TSHR: variants seen among roughly 807,000 people sequenced by gnomAD.
TSHR encodes thyrotropin receptor.
A neutral mutation model predicts 64.1 loss-of-function variants in TSHR; 51 were observed. The observed-to-expected ratio is 0.80, with a 90% confidence interval of 0.64 to 1.01. The LOEUF is 1.01. Among genes scored for constraint, TSHR ranks in the 50% least tolerant of loss-of-function variants. The pLI, the probability that TSHR is intolerant of heterozygous loss-of-function variation, is 0.00. For synonymous variants in TSHR, 361 were observed against 361.9 expected (o/e 1.00, Z 0.03); for missense variants, 877 against 942.8 (o/e 0.93, Z 0.91).
intron 8 of TSHR, among the ~76,000 whole-genome samples, chr14:81,118,877 G>T (rs1454425403): frequency 5.5e-5 from 8 of 144,904 alleles, no homozygotes; most frequent in Non-Finnish European, 4.4e-5. Context: ...AATGCCGCAT[G>T]TCTACAACTA....
At chr14:80,990,329 C>A (rs1033012810) in intron 1 of TSHR, among the ~76,000 whole-genome samples, 3 of 152,170 alleles carry the variant, frequency 2.0e-5, no homozygotes, top group African/African-American at 7.2e-5. Flanking sequence ...TGCCTTGGGG[C>A]AGCTCATAAT....
chr14:81,118,921 A>C (rs1890657067), intron 8 of TSHR, among the ~76,000 whole-genome samples: 1 of 148,394 alleles, frequency 6.7e-6, no homozygotes, highest in African/African-American at 2.6e-5. Flanking sequence ...AAAACAAGCA[A>C]TGGGGAAAGG....
chr14:80,965,690 A>C (rs1009929623), intron 1 of TSHR, among the ~76,000 whole-genome samples: 3 of 152,212 alleles, frequency 2.0e-5, no homozygotes, highest in African/African-American at 7.2e-5. Context: ...AAAATTATAG[A>C]TTGAGTTTTA....
chr14:81,092,472 C>A lies in TSHR; in HGVS notation c.468-59C>A, dbSNP rs892599973. 21 of 1,444,810 alleles carry A rather than the reference C, an allele frequency of 1.5e-5. 1 individual carries two copies. Among genetic ancestry groups the A allele is most frequent in the Non-Finnish European group, 1.9e-5 (20 of 1,026,456 alleles). 89.5% of individuals were successfully genotyped at this position (1,444,810 alleles called of 1,614,324 possible). ...ATTTAAGTGCATATGCGCAGCAAGA[C>A]CCCTGCTGCAGAAGGAAAGCATTTT... On this transcript the variant is annotated intron_variant, in intron 5 of 9. Coordinates refer to ENST00000298171, the MANE Select transcript of TSHR (RefSeq NM_000369.5).
At chr14:81,078,906 A>C (rs904180536) in intron 3 of TSHR, 2 of 152,238 alleles carry the variant, frequency 1.3e-5, no homozygotes, top group Admixed American at 6.5e-5. Flanking sequence ...CACCCAGCTC[A>C]GCACTGTCTG....
At chr14:80,962,093 C>T (rs1430024317) in intron 1 of TSHR, among the ~76,000 whole-genome samples, 1 of 152,144 alleles carries the variant, frequency 6.6e-6, no homozygotes, top group Non-Finnish European at 1.5e-5. Flanking sequence ...CTTAGTTCCT[C>T]TGGGCCTCAG....
At chr14:81,000,893 C>G (rs1272389127) in intron 1 of TSHR, among the ~76,000 whole-genome samples, 1 of 152,204 alleles carries the variant, frequency 6.6e-6, no homozygotes, top group Non-Finnish European at 1.5e-5. Context: ...CTCAATCTCT[C>G]TCCCATTCTG....
chr14:81,067,588 G>T (rs899465978), intron 2 of TSHR, among the ~76,000 whole-genome samples: 1 of 148,222 alleles, frequency 6.7e-6, no homozygotes, highest in South Asian at 2.1e-4. Context: ...ATAGGTCAGT[G>T]GTTCTCAACA....
chr14:81,057,268 G>A (rs1456119125), intron 1 of TSHR, among the ~76,000 whole-genome samples: 1 of 152,038 alleles, frequency 6.6e-6, no homozygotes, highest in East Asian at 1.9e-4. Context: ...AAAATTAGCT[G>A]GGTGTGGTGG....
chr14:81,068,872 G>A (rs973555580), intron 3 of TSHR, among the ~76,000 whole-genome samples: 3 of 152,082 alleles, frequency 2.0e-5, no homozygotes, highest in Non-Finnish European at 4.4e-5. Flanking sequence ...AATAAGAGCT[G>A]CAACTTCATG....
chr14:81,082,938 A>G (rs1785017180), intron 3 of TSHR, among the ~76,000 whole-genome samples: 1 of 152,118 alleles, frequency 6.6e-6, no homozygotes, highest in African/African-American at 2.4e-5. Context: ...TCCAAGGGTG[A>G]GAAGCACAGT....
chr14:80,975,622 T>A (rs1482678314), intron 1 of TSHR, among the ~76,000 whole-genome samples: 3 of 152,242 alleles, frequency 2.0e-5, no homozygotes, highest in African/African-American at 7.2e-5. Flanking sequence ...TGGTGCAATC[T>A]GGCTTTTGCC....
intron 3 of TSHR, among the ~76,000 whole-genome samples, chr14:81,080,325 T>C (rs1045225299): frequency 6.6e-6 from 1 of 152,122 alleles, no homozygotes; most frequent in Non-Finnish European, 1.5e-5. Flanking sequence ...GACTTATGCC[T>C]TATAGTACAA....
At chr14:80,974,843 G>C (rs1263086175) in intron 1 of TSHR, among the ~76,000 whole-genome samples, 1 of 152,162 alleles carries the variant, frequency 6.6e-6, no homozygotes, top group Non-Finnish European at 1.5e-5. Flanking sequence ...CTGGTATAAA[G>C]CTATGTCAGC....
chr14:81,108,535 A>C lies in TSHR; in HGVS notation c.692+83A>C, dbSNP rs376423750. The stretch of plus-strand genomic sequence containing the variant: ...AATAAATGGAGACATTAAGGGGAGA[A>C]TCTTATGTTCAAGGGTAGAAAATGT... On this transcript the variant is annotated intron_variant, in intron 8 of 9. Coordinates refer to ENST00000298171, the MANE Select transcript of TSHR (RefSeq NM_000369.5). 3 of 1,607,486 alleles carry C rather than the reference A, an allele frequency of 1.9e-6. No individual in the cohort carries two copies. The African/African-American group carries it at 4.0e-5, about 22-fold the overall frequency.
chr14:81,081,414 G>A (rs985659327), intron 3 of TSHR, among the ~76,000 whole-genome samples: 2 of 152,048 alleles, frequency 1.3e-5, no homozygotes, highest in Admixed American at 6.6e-5. Context: ...AGTGAAGTAT[G>A]GGGGAGGGGC....
chr14:81,134,046 C>T (rs1054039610), intron 8 of TSHR, among the ~76,000 whole-genome samples: 2 of 152,108 alleles, frequency 1.3e-5, no homozygotes, highest in Admixed American at 6.5e-5. Context: ...GGTTTAAGTC[C>T]AGATAGTGTG....
rs561766176 is a variant in TSHR at position 80,968,727 on chromosome 14, A to G, written c.170+12877A>G. On this transcript the variant is annotated intron_variant, in intron 1 of 9. Coordinates refer to ENST00000298171, the MANE Select transcript of TSHR (RefSeq NM_000369.5). ...ATTATCTGTGGGCTCAAAAGAACCA[A>G]GAGATGCCCCAGTGAATTCCCTGCA... Among the ~76,000 whole-genome samples, 5 of 152,318 alleles carry G rather than the reference A, an allele frequency of 3.3e-5. No homozygotes were observed. The East Asian group carries it at 9.6e-4, about 29-fold the overall frequency.
intron 1 of TSHR, among the ~76,000 whole-genome samples, chr14:81,061,680 C>T (rs1290727951): frequency 6.6e-6 from 1 of 151,942 alleles, no homozygotes; most frequent in Non-Finnish European, 1.5e-5. Flanking sequence ...AAAAAAATAA[C>T]TATTGGGTAC....
Sources: gnomAD v4.1 joint callset for allele counts (sites outside exome capture counted in the v4.1 genomes callset) on GRCh38, gnomAD v4.1.1 for gene constraint, MANE v1.5 for transcripts, NCBI Gene and HGNC (gene_info 2026-07-23, HGNC 2026-07-21) for gene names.